ZMYM2: variants seen among roughly 807,000 people sequenced by gnomAD.
The protein encoded by ZMYM2 is zinc finger MYM-type containing 2, also known as zinc finger MYM-type protein 2.
In ZMYM2, 56 loss-of-function variants were observed where a neutral mutation model predicts 162.8. That is an observed-to-expected ratio of 0.34 (90% CI 0.28 to 0.43). ZMYM2 has a LOEUF of 0.43. Ranked by LOEUF, ZMYM2 falls within the 20% of genes least tolerant of loss-of-function variation. ZMYM2 has a pLI of 1.00. For synonymous variants in ZMYM2, 510 were observed against 541.6 expected (o/e 0.94, Z 0.81); for missense variants, 1,275 against 1,621.8 (o/e 0.79, Z 3.67).
chr13:20,062,242 A>G (rs1317472947), intron 17 of ZMYM2, among the ~76,000 whole-genome samples: 1 of 152,260 alleles, frequency 6.6e-6, no homozygotes, highest in East Asian at 1.9e-4. Context: ...TAAGTGGAAT[A>G]GGGTAAGAGA....
At chr13:19,884,811 A>C in the ZMYM2 span, among the ~76,000 whole-genome samples, 6 of 152,126 alleles carry the variant, frequency 3.9e-5, no homozygotes, top group African/African-American at 1.4e-4. Context: ...TCAACAAGCC[A>C]TACAACAAAC....
intron 6 of ZMYM2, among the ~76,000 whole-genome samples, chr13:20,019,065 G>C (rs1311757564): frequency 4.1e-5 from 5 of 121,100 alleles, no homozygotes; most frequent in African/African-American, 1.6e-4. Flanking sequence ...GGGTGACAAA[G>C]CAAAAACTCC....
chr13:19,911,044 CTT>C, the ZMYM2 span, among the ~76,000 whole-genome samples: 139 of 89,284 alleles, frequency 1.6e-3, no homozygotes, highest in Admixed American at 2.0e-3. Flanking sequence ...AGTTCCCAGT[CTT>C]TTTTTTTTTT....
the ZMYM2 span, among the ~76,000 whole-genome samples, chr13:19,870,525 CTT>C: frequency 6.5e-5 from 8 of 123,784 alleles, no homozygotes; most frequent in Admixed American, 3.5e-4. Context: ...CTCTTTCTCT[CTT>C]TCTTTCTTTC....
the ZMYM2 span, among the ~76,000 whole-genome samples, chr13:19,942,119 A>G: frequency 6.6e-6 from 1 of 152,130 alleles, no homozygotes; most frequent in African/African-American, 2.4e-5. Flanking sequence ...AACCGAGTAT[A>G]TAATGCATTA....
chr13:19,891,785 AT>A, the ZMYM2 span, among the ~76,000 whole-genome samples: 5 of 151,892 alleles, frequency 3.3e-5, no homozygotes, highest in Non-Finnish European at 5.9e-5. Flanking sequence ...TCTAAAAAAA[AT>A]AAATAAATCA....
intron 23 of ZMYM2, 51 bp from the exon 24 acceptor site, chr13:20,083,605 A>G (rs377117103): frequency 5.3e-5 from 73 of 1,371,768 alleles, no homozygotes; most frequent in Non-Finnish European, 7.1e-5. Flanking sequence ...TGATGTTTAT[A>G]TCTTTCTTCA....
At chr13:19,994,070 A>G (rs1016127928) in intron 3 of ZMYM2, among the ~76,000 whole-genome samples, 151 bp downstream of exon 3, 7 of 152,262 alleles carry the variant, frequency 4.6e-5, no homozygotes, top group Non-Finnish European at 7.3e-5. Flanking sequence ...TGGTATTTTA[A>G]TAAGAATTGT....
At chr13:20,044,034 T>A (rs953634362) in intron 12 of ZMYM2, among the ~76,000 whole-genome samples, 19 of 152,122 alleles carry the variant, frequency 1.2e-4, no homozygotes, top group Non-Finnish European at 2.4e-4. Context: ...GATTAAGGGA[T>A]GCTCAGGTCA....
intron 7 of ZMYM2, among the ~76,000 whole-genome samples, chr13:20,021,312 T>G (rs1163694048): frequency 6.7e-6 from 1 of 149,796 alleles, no homozygotes; most frequent in Admixed American, 6.6e-5. Context: ...GATCTGTTTC[T>G]ATAGTTTGAT....
chr13:20,070,050 T>C (rs916132934), intron 21 of ZMYM2, among the ~76,000 whole-genome samples: 1 of 152,124 alleles, frequency 6.6e-6, no homozygotes, highest in African/African-American at 2.4e-5. Context: ...GACCTCCCAC[T>C]TGCTTATTCT....
At chr13:20,031,632 A>C (rs1425131860) in intron 10 of ZMYM2, among the ~76,000 whole-genome samples, 197 bp downstream of exon 10, 1 of 152,158 alleles carries the variant, frequency 6.6e-6, no homozygotes, top group Non-Finnish European at 1.5e-5. Flanking sequence ...AGGTCCAAGA[A>C]AAATTACTGA....
chr13:20,057,400 A>G (rs1440535648), intron 14 of ZMYM2, among the ~76,000 whole-genome samples: 1 of 152,034 alleles, frequency 6.6e-6, no homozygotes, highest in Non-Finnish European at 1.5e-5. Flanking sequence ...GGCCTCCCAG[A>G]GTTCTGGGAT....
At chr13:19,908,341 G>A in the ZMYM2 span, among the ~76,000 whole-genome samples, 1 of 151,700 alleles carries the variant, frequency 6.6e-6, no homozygotes, top group Non-Finnish European at 1.5e-5. Flanking sequence ...TGAGCCAGGT[G>A]CAGTGGAGTC....
At chr13:19,957,844 G>T (rs1303137294), upstream of ZMYM2, among the ~76,000 whole-genome samples, 2 of 152,242 alleles carry the variant, frequency 1.3e-5, no homozygotes, top group Non-Finnish European at 2.9e-5. Flanking sequence ...CTTGGTTGAT[G>T]GAGGCGGGGA....
the ZMYM2 span, among the ~76,000 whole-genome samples, chr13:19,884,062 T>C: frequency 2.6e-5 from 4 of 152,154 alleles, no homozygotes; most frequent in Non-Finnish European, 4.4e-5. Context: ...GTGGCCTATA[T>C]ATAAAATTCT....
chr13:19,982,664 G>C (rs1319167913), intron 2 of ZMYM2, among the ~76,000 whole-genome samples: 1 of 152,162 alleles, frequency 6.6e-6, no homozygotes, highest in Admixed American at 6.5e-5. Flanking sequence ...AACCTGTTGA[G>C]TATTCTATTT....
intron 3 of ZMYM2, among the ~76,000 whole-genome samples, chr13:20,002,319 A>G (rs1235506845): frequency 6.6e-6 from 1 of 152,186 alleles, no homozygotes; most frequent in Non-Finnish European, 1.5e-5. Flanking sequence ...ATTTTTTAAT[A>G]CTTCCTATAT....
chr13:20,025,067 T>C (rs1362177624), intron 7 of ZMYM2: 1 of 211,946 alleles, frequency 4.7e-6, no homozygotes, highest in Non-Finnish European at 9.6e-6. Context: ...CTTCCATTTA[T>C]TACCTTCATT....
Sources: gnomAD v4.1 joint callset for allele counts (sites outside exome capture counted in the v4.1 genomes callset) on GRCh38, gnomAD v4.1.1 for gene constraint, MANE v1.5 for transcripts, NCBI Gene and HGNC (gene_info 2026-07-23, HGNC 2026-07-21) for gene names.